The following NR5A2 variants were observed in gnomAD, a reference collection of about 807,000 sequenced individuals.
NR5A2 encodes nuclear receptor subfamily 5 group A member 2, also known as CYP7A promoter-binding factor.
A neutral mutation model predicts 62.7 loss-of-function variants in NR5A2; 26 were observed. The ratio of observed to expected loss-of-function variants is 0.41; its 90% confidence interval spans 0.30 to 0.58. The LOEUF is 0.58. NR5A2 is among the 20% of genes least tolerant of loss of function. NR5A2 has a pLI of 0.22. For missense variants in NR5A2, 541 were observed against 669.1 expected (o/e 0.81, Z 2.11); for synonymous variants, 246 against 241.7 (o/e 1.02, Z -0.16).
In NR5A2 at chr1:200,039,898, C is replaced by T. The variant is rs1446460730; in HGVS notation, c.202+103C>T. 7.5e-7 allele frequency: 1 copy of T among 1,338,630 alleles called. No individual in the cohort carries two copies. Among genetic ancestry groups the T allele is most frequent in the Non-Finnish European group, 9.8e-7 (1 of 1,020,456 alleles). The allele number at this position is 1,338,630 out of a possible 1,614,324, so 82.9% of individuals were successfully genotyped here. ...GCCCCGCGCGGGCGCGGGAGTAGCC[C>T]CGCTGGGCGCTCGCAGCCGCGGGAG... On this transcript the variant is annotated intron_variant, in intron 2 of 7. Transcript: ENST00000367362. This position sits in a 1 kb window ranked among gnomAD's most constrained non-coding sequence, Gnocchi z 5.1.
chr1:200,081,768 T>C (rs1288140290), intron 5 of NR5A2, among the ~76,000 whole-genome samples: 1 of 62,134 alleles, frequency 1.6e-5, no homozygotes, highest in Non-Finnish European at 3.1e-5. Flanking sequence ...ATAGTCTACC[T>C]TTTTTTTTTT....
chr1:200,156,901 T>C (rs1441407104), intron 7 of NR5A2, among the ~76,000 whole-genome samples: 1 of 152,202 alleles, frequency 6.6e-6, no homozygotes, highest in Non-Finnish European at 1.5e-5. Flanking sequence ...TATTTTCAAC[T>C]TACGATGGGC....
rs918566346 is a variant in NR5A2, at chr1:200,158,736, G to A, written c.1379-15227G>A. Among the ~76,000 whole-genome samples the A allele has an allele frequency of 9.2e-5, 14 of 152,170 alleles. No individual in the cohort carries two copies. The East Asian group carries it at 9.6e-4, about 10-fold the overall frequency. On this transcript the variant is annotated intron_variant, in intron 7 of 7. Transcript: ENST00000367362. ...CAAAATAAACCCAAATACAATTTCC[G>A]AAGTAGCATAGAGTTCAAGTTGCTG...
intron 7 of NR5A2, among the ~76,000 whole-genome samples, chr1:200,127,174 C>G (rs890567848): frequency 6.6e-6 from 1 of 152,166 alleles, no homozygotes; most frequent in African/African-American, 2.4e-5. Flanking sequence ...CCCCAAATGA[C>G]AGTCAGTACT....
chr1:200,142,514 A>T (rs189600840), intron 7 of NR5A2, among the ~76,000 whole-genome samples: 3,830 of 148,378 alleles, frequency 0.026, 157 homozygotes, highest in African/African-American at 0.091. Context: ...TCTTTTTTTT[A>T]AAAAAAAATT....
At chr1:200,156,896 T>G (rs1176656357) in intron 7 of NR5A2, among the ~76,000 whole-genome samples, 6 of 152,184 alleles carry the variant, frequency 3.9e-5, no homozygotes, top group Non-Finnish European at 8.8e-5. Flanking sequence ...GATAATATTT[T>G]CAACTTACGA....
chr1:200,078,931 CTT>C (rs1664164697), intron 5 of NR5A2, among the ~76,000 whole-genome samples: 1 of 152,170 alleles, frequency 6.6e-6, no homozygotes. Flanking sequence ...CATGGACTCA[CTT>C]TTATGTTTTT....
In NR5A2 at chr1:200,174,217, A is replaced by G; in HGVS notation, c.*7A>G. The G allele has an allele frequency of 6.4e-7, 1 of 1,569,724 alleles. No homozygotes were observed. The highest frequency in any genetic ancestry group is 2.3e-5 in the East Asian group (1 of 43,614). On this transcript the variant is annotated 3_prime_UTR_variant, in exon 8 of 8. Coordinates refer to ENST00000367362, the MANE Select transcript of NR5A2 (RefSeq NM_205860.3). The stretch of plus-strand genomic sequence containing the variant: ...GCATGCCAAAAGAGCATAAGTTACA[A>G]CCCCTAGGAGCTCTGCTTTCAAAAC...
In NR5A2 at chr1:200,175,982, G is replaced by A. The variant is rs1458063297; in HGVS notation, c.*1772G>A. 1 of 152,556 alleles carries A rather than the reference G, an allele frequency of 6.6e-6. No individual in the cohort carries two copies. The highest frequency in any genetic ancestry group is 1.9e-4 in the East Asian group (1 of 5,202). The allele number at this position is 152,556 out of a possible 1,614,324, so 9.5% of individuals were successfully genotyped here. A position where few individuals can be genotyped will look rare whatever the true frequency, so the allele number is the denominator to read the frequency against. On this transcript the variant is annotated 3_prime_UTR_variant, in exon 8 of 8. Transcript: ENST00000367362. ...TTTATTGTTTCTTGGTTTCACCTTT[G>A]TATAAGATATAGCCAAGACTGAAGA... is the stretch of plus-strand genomic sequence containing the variant.
At chr1:200,108,742 A>T (rs1441988552) in intron 5 of NR5A2, among the ~76,000 whole-genome samples, 1 of 152,238 alleles carries the variant, frequency 6.6e-6, no homozygotes, top group African/African-American at 2.4e-5. Context: ...CTGAAATAAG[A>T]TGCTGATAGT....
intron 5 of NR5A2, among the ~76,000 whole-genome samples, chr1:200,078,635 A>G (rs550278644): frequency 6.6e-6 from 1 of 152,272 alleles, no homozygotes; most frequent in African/African-American, 2.4e-5. Flanking sequence ...TTAGCCATTT[A>G]TGGGTCATTC....
chr1:200,155,680 A>AT (rs199968182), intron 7 of NR5A2, among the ~76,000 whole-genome samples: 202 of 146,364 alleles, frequency 1.4e-3, no homozygotes, highest in East Asian at 8.8e-3. Context: ...TAATAAAAAA[A>AT]TTTTTTTTTT....
intron 5 of NR5A2, among the ~76,000 whole-genome samples, chr1:200,066,586 A>ATTTTTTTTTTT (rs1663480896): frequency 3.4e-5 from 3 of 87,772 alleles, no homozygotes; most frequent in African/African-American, 2.3e-4. Flanking sequence ...TTAATTAATT[A>ATTTTTTTTTTT]TCTTTTTTTT....
chr1:200,102,139 T>C (rs1665402550), intron 5 of NR5A2, among the ~76,000 whole-genome samples: 1 of 152,222 alleles, frequency 6.6e-6, no homozygotes, highest in South Asian at 2.1e-4. Context: ...GGGGACTAGG[T>C]ATATCGTGTA....
intron 6 of NR5A2, among the ~76,000 whole-genome samples, chr1:200,115,148 A>G (rs1376946364): frequency 6.6e-6 from 1 of 152,160 alleles, no homozygotes; most frequent in Non-Finnish European, 1.5e-5. Flanking sequence ...TTTTAATGTG[A>G]TTGTTGCTTA....
At chr1:200,133,427 A>G (rs563971429) in intron 7 of NR5A2, among the ~76,000 whole-genome samples, 1 of 151,490 alleles carries the variant, frequency 6.6e-6, no homozygotes, top group African/African-American at 2.4e-5. Context: ...ATCCCTCAGC[A>G]GGAATGATCA....
chr1:200,173,947 T>A lies in NR5A2; in HGVS notation c.1379-16T>A. ...CTATTGAAATGTTGCTTTTTTTTTT[T>A]TTTTTTTTAATGCAGATGTCAAAAA... On this transcript the variant is annotated splice_polypyrimidine_tract_variant and intron_variant, in intron 7 of 7. Transcript: ENST00000367362. 1 of 1,394,002 alleles carries A rather than the reference T, an allele frequency of 7.2e-7. No individual in the cohort carries two copies. The highest frequency in any genetic ancestry group is 1.8e-5 in the South Asian group (1 of 56,352). 86.4% of individuals were successfully genotyped at this position (1,394,002 alleles called of 1,614,324 possible). A position where few individuals can be genotyped will look rare whatever the true frequency, so the allele number is the denominator to read the frequency against.
intron 7 of NR5A2, among the ~76,000 whole-genome samples, chr1:200,135,119 A>T (rs186841927): frequency 6.6e-6 from 1 of 152,260 alleles, no homozygotes; most frequent in Non-Finnish European, 1.5e-5. Context: ...GCTCATGACC[A>T]CACAGCTAGG....
chr1:200,127,694 AAAAAAAAAAAAAAAAAT>A (rs1226345735), intron 7 of NR5A2, among the ~76,000 whole-genome samples: 2 of 99,982 alleles, frequency 2.0e-5, no homozygotes, highest in Non-Finnish European at 4.1e-5. Context: ...AAAAAAAAAA[AAAAAAAAAAAAAAAAAT>A]ATATATATAT....
Sources: allele counts gnomAD v4.1 joint callset (sites outside exome capture counted in the v4.1 genomes callset), GRCh38; gene constraint gnomAD v4.1.1; non-coding constraint Gnocchi (gnomAD v3.1); transcripts MANE v1.5; gene names NCBI Gene and HGNC (gene_info 2026-07-23, HGNC 2026-07-21).